Variants in RAPGEF3 observed in about 807,000 individuals in gnomAD.
The protein encoded by RAPGEF3 is 9330170P05Rik.
Under a neutral mutation model 129.8 loss-of-function variants are expected in RAPGEF3, and 103 were observed. That is an observed-to-expected ratio of 0.79 (90% CI 0.68 to 0.93). The LOEUF (loss-of-function observed/expected upper bound fraction) is 0.93. RAPGEF3 is among the 40% of genes least tolerant of loss of function. RAPGEF3 has a pLI of 0.00. For synonymous variants in RAPGEF3, 436 were observed against 482.6 expected, an observed-to-expected ratio of 0.90 and a Z score of 1.26; for missense variants, 1,117 against 1,207.4, an observed-to-expected ratio of 0.93 and a Z score of 1.11.
In RAPGEF3 at chr12:47,757,964, G is replaced by A; in HGVS notation, c.121C>T (p.Leu41Phe). The A allele has an allele frequency of 1.9e-6, 3 of 1,562,624 alleles. No individual in the cohort carries two copies. The highest frequency in any genetic ancestry group is 2.4e-5 in the South Asian group (2 of 84,898). Residue 41 changes from leucine to phenylalanine, a missense_variant, in exon 2 of 28, where the codon CTC becomes TTC. Around this residue, in one of 3 missense-constraint regions of RAPGEF3, gnomAD observed 367 missense variants for 373.4 expected, o/e 0.98. Transcript: ENST00000449771. ...TGCATCCTTCTCAACACCATGTTGA[G>A]TAGTGTCCCCTCCGGCACCACGTCA... ...LPDVVPEGTLLNMVLRRMHRP... is the reference protein window; with the variant it reads ...LPDVVPEGTLFNMVLRRMHRP...
chr12:47,758,163 T>C, intron 1 of RAPGEF3, 85 bp from the exon 2 acceptor site: 1 of 1,490,168 alleles, frequency 6.7e-7, no homozygotes, highest in Non-Finnish European at 8.9e-7. Flanking sequence ...GCAGAACTAC[T>C]TCCTTAGAGT....
In RAPGEF3 at chr12:47,737,963, C is replaced by G. The variant is rs1450823429; in HGVS notation, c.2653+59G>C. 2 of 1,545,906 alleles carry G rather than the reference C, an allele frequency of 1.3e-6. 1 individual carries two copies. Among genetic ancestry groups the G allele is most frequent in the East Asian group, 4.5e-5 (2 of 44,366 alleles). ...ATGGCAAGTGCCTAGGATGTGCCAG[C>G]CATGGGTAACTACCATAAGCACCCC... On this transcript the variant is annotated intron_variant, in intron 27 of 27. Transcript: ENST00000449771.
At position 47,746,843 on chromosome 12, in the gene RAPGEF3, T is replaced by C; in HGVS notation, c.1596+17A>G. On this transcript the variant is annotated intron_variant, in intron 16 of 27. Transcript: ENST00000449771. Reference sequence around the variant, plus strand: ...TCCAGGAGGAGCAGAGGAAAGAAACTGGGGCCAGGCAGACACCTTCATCTG... The same window carrying C: ...TCCAGGAGGAGCAGAGGAAAGAAACCGGGGCCAGGCAGACACCTTCATCTG... The C allele has an allele frequency of 6.3e-7, 1 of 1,585,308 alleles. No individual in the cohort carries two copies. The highest frequency in any genetic ancestry group is 8.5e-7 in the Non-Finnish European group (1 of 1,169,756).
chr12:47,749,818 C>T lies in RAPGEF3; in HGVS notation c.818-1G>A. The T allele has an allele frequency of 6.2e-7, 1 of 1,614,228 alleles. No individual in the cohort carries two copies. The highest frequency in any genetic ancestry group is 8.5e-7 in the Non-Finnish European group (1 of 1,180,032). On this transcript the variant is annotated splice_acceptor_variant, in intron 8 of 27. Transcript: ENST00000449771. LOFTEE classifies it high-confidence loss of function. This position sits in a 1 kb window ranked among gnomAD's most constrained non-coding sequence, Gnocchi z 4.5. The stretch of plus-strand genomic sequence containing the variant: ...GTGCCCTTGTCCCCCTGGCTGAACA[C>T]TGACAGAAGCATACCTCAGACCGGG...
rs1480605355 is a variant in RAPGEF3, at chr12:47,740,798, C to T, written c.2075G>A (p.Gly692Asp). 1 of 1,613,878 alleles carries T rather than the reference C, an allele frequency of 6.2e-7. No homozygotes were observed. Among genetic ancestry groups the T allele is most frequent in the Non-Finnish European group, 8.5e-7 (1 of 1,179,986 alleles). Residue 692 changes from glycine to aspartate, a missense_variant, in exon 21 of 28, where the codon GGC becomes GAC. Transcript: ENST00000449771. Reference sequence around the variant, plus strand: ...GGTGACATCCCGCAGATGCTGGGGGCCCAGCACATAGTGGATCAGCTCCAC... The same window carrying T: ...GGTGACATCCCGCAGATGCTGGGGGTCCAGCACATAGTGGATCAGCTCCAC... ...HQVELIHYVL[G>D]PQHLRDVTTA... is the part of the protein sequence containing the mutation.
chr12:47,743,532 C>T lies in RAPGEF3; in HGVS notation c.1823G>A (p.Gly608Asp). 6.2e-7 allele frequency: 1 copy of T among 1,613,230 alleles called. No homozygotes were observed. The highest frequency in any genetic ancestry group is 8.5e-7 in the Non-Finnish European group (1 of 1,179,236). Residue 608 changes from glycine (G) to aspartate (D), a missense_variant and splice_region_variant, in exon 18 of 28, where the codon GGT (glycine) becomes GAT (aspartate). This residue lies in a region of RAPGEF3 where 643 missense variants were observed against 673.4 expected (regional missense o/e 0.95). Coordinates refer to ENST00000449771, the MANE Select transcript of RAPGEF3 (RefSeq NM_001098531.4). ...GTCTATCCAGGGGCACAACTCACCA[C>T]CTGCAGAATTGACCTTCACCAGCAC... is the stretch of plus-strand genomic sequence containing the variant. ...GQVLVKVNSAGDAIGLQPDAR... is the reference protein window; with the variant it reads ...GQVLVKVNSADDAIGLQPDAR...
intron 6 of RAPGEF3, among the ~76,000 whole-genome samples, chr12:47,750,717 A>C (rs1941692027): frequency 6.6e-6 from 1 of 152,228 alleles, no homozygotes; most frequent in Admixed American, 6.5e-5. Flanking sequence ...TCCAGCTGGA[A>C]TTTGAACCTG....
At chr12:47,739,552 C>A (rs1941014264) in intron 23 of RAPGEF3, 2 of 532,508 alleles carry the variant, frequency 3.8e-6, no homozygotes, top group African/African-American at 3.8e-5. Context: ...GAGTAAACTC[C>A]TTTGAATCCC....
intron 16 of RAPGEF3, chr12:47,744,450 G>A (rs553387502): frequency 8.8e-5 from 20 of 228,286 alleles, no homozygotes; most frequent in South Asian, 3.6e-4. Flanking sequence ...TTCACAATGC[G>A]CCTTTGACAA....
chr12:47,740,566 T>G, intron 21 of RAPGEF3, 76 bp downstream of exon 21: 1 of 1,561,600 alleles, frequency 6.4e-7, no homozygotes. Context: ...GGCAACATAC[T>G]AAGCAAAGAG....
chr12:47,739,462 T>C, intron 23 of RAPGEF3: 1 of 692,874 alleles, frequency 1.4e-6, no homozygotes, highest in South Asian at 1.5e-5. Flanking sequence ...CCCAGGTTTC[T>C]TGGAAAAGTC....
At chr12:47,746,984 C>T in intron 15 of RAPGEF3, 85 bp from the exon 16 acceptor site, 1 of 1,329,206 alleles carries the variant, frequency 7.5e-7, no homozygotes. Context: ...TGGATTCTCC[C>T]CGGCCCTCAC....
Position 47,748,451 on chromosome 12 carries a change from T to C in RAPGEF3, c.1243+3A>G, listed in dbSNP as rs373974826. Reference sequence around the variant, plus strand: ...AAGCAGGCAGGGTGTCTCTTGCCCTTACCTGTTGGGTCATGAGCACTGGAA... The same window carrying C: ...AAGCAGGCAGGGTGTCTCTTGCCCTCACCTGTTGGGTCATGAGCACTGGAA... On this transcript the variant is annotated splice_donor_region_variant and intron_variant, in intron 12 of 27. Transcript: ENST00000449771. The C allele has an allele frequency of 6.8e-6, 11 of 1,612,392 alleles. No homozygotes were observed. The highest frequency in any genetic ancestry group is 1.8e-4 in the Middle Eastern group (1 of 5,638).
intron 19 of RAPGEF3, 30 bp from the exon 20 acceptor site, chr12:47,741,070 C>T (rs775449495): frequency 2.5e-6 from 4 of 1,607,316 alleles, no homozygotes; most frequent in East Asian, 4.5e-5. Flanking sequence ...CAGGGGGCTG[C>T]CTGAGGAATC....
chr12:47,746,807 G>C (rs1341899923), intron 16 of RAPGEF3, 53 bp downstream of exon 16: 1 of 1,536,260 alleles, frequency 6.5e-7, no homozygotes, highest in South Asian at 1.2e-5. Context: ...GGGCGAAGGA[G>C]GGGCCTGCAG....
chr12:47,747,832 C>T lies in RAPGEF3; in HGVS notation c.1353G>A (p.Glu451=). ...TGCAGACGTAGGTGCTGCGCTCCTG[C>T]TCGCTGCCACCCGCAGGCTCCACAT... ...HFHVEPAGGS[E]QERSTYVCNK... Residue 451 remains glutamate, a synonymous_variant, in exon 14 of 28, where the codon GAG becomes GAA. Coordinates refer to ENST00000449771, the MANE Select transcript of RAPGEF3 (RefSeq NM_001098531.4). 1 of 1,604,880 alleles carries T rather than the reference C, an allele frequency of 6.2e-7. No homozygotes were observed. Among genetic ancestry groups the T allele is most frequent in the Non-Finnish European group, 8.5e-7 (1 of 1,179,962 alleles).
chr12:47,758,200 T>A, intron 1 of RAPGEF3, 122 bp from the exon 2 acceptor site: 1 of 1,441,436 alleles, frequency 6.9e-7, no homozygotes, highest in Non-Finnish European at 9.1e-7. Context: ...GCGGAGGTGC[T>A]GCAACCCTGC....
In RAPGEF3 at chr12:47,748,084, G is replaced by A; in HGVS notation, c.1312C>T (p.Leu438Phe). The change falls in exon 13 of 28, where the codon CTT (leucine) becomes TTT (phenylalanine). Residue 438 changes from leucine to phenylalanine, a missense_variant. By Grantham distance (22) the Leu-to-Phe change is conservative. Around this residue, in one of 3 missense-constraint regions of RAPGEF3, gnomAD observed 643 missense variants for 673.4 expected, o/e 0.95. Transcript: ENST00000449771. ...FMPSAQLCAA[L>F]LHHFHVEPAG... ...GAGCTGGAAGGATATTGGTGCAGAAGGGCAGCGCAGAGTTGGGCGCTGGGC... is the reference window on the plus strand; with the variant it reads ...GAGCTGGAAGGATATTGGTGCAGAAAGGCAGCGCAGAGTTGGGCGCTGGGC... 6.3e-7 allele frequency: 1 copy of A among 1,585,142 alleles called. No individual in the cohort carries two copies. The highest frequency in any genetic ancestry group is 8.6e-7 in the Non-Finnish European group (1 of 1,164,848).
At chr12:47,750,305 C>A in intron 7 of RAPGEF3, 36 bp downstream of exon 7, 1 of 1,584,494 alleles carries the variant, frequency 6.3e-7, no homozygotes, top group Non-Finnish European at 8.7e-7. Flanking sequence ...GAGAAGATGC[C>A]TGGTACGGGG....
Sources: gnomAD v4.1 joint callset for allele counts (sites outside exome capture counted in the v4.1 genomes callset) on GRCh38, gnomAD v4.1.1 for gene constraint, gnomAD v4.1.1 regional missense constraint, Gnocchi (gnomAD v3.1) non-coding constraint, MANE v1.5 for transcripts, NCBI Gene and HGNC (gene_info 2026-07-23, HGNC 2026-07-21) for gene names.